The following KIAA1328 variants were observed in gnomAD, a reference collection of about 807,000 sequenced individuals.
The protein encoded by KIAA1328 is protein hinderin.
A neutral mutation model predicts 68.1 loss-of-function variants in KIAA1328; 52 were observed. The observed-to-expected ratio is 0.76, with a 90% CI of 0.61 to 0.96. KIAA1328 has a LOEUF of 0.96. Among genes scored for constraint, KIAA1328 ranks in the 40% least tolerant of loss-of-function variants. The pLI, the probability that KIAA1328 is intolerant of heterozygous loss-of-function variation, is 0.00. For synonymous variants in KIAA1328, 232 were observed against 239.4 expected (o/e 0.97, Z 0.28); for missense variants, 641 against 677.6 (o/e 0.95, Z 0.60).
intron 7 of KIAA1328, among the ~76,000 whole-genome samples, chr18:37,150,573 A>C (rs546775670): frequency 6.6e-6 from 1 of 151,176 alleles, no homozygotes; most frequent in Admixed American, 6.6e-5. Flanking sequence ...ACACAAATGC[A>C]GAAAAAAAAA....
At chr18:36,842,681 T>A (rs559966653) in intron 3 of KIAA1328, among the ~76,000 whole-genome samples, 160 of 152,214 alleles carry the variant, frequency 1.1e-3, no homozygotes, top group African/African-American at 3.4e-3. Context: ...TTTATTTTTT[T>A]TTTTTTGCCT....
chr18:37,007,581 C>T (rs1005913588), intron 6 of KIAA1328, among the ~76,000 whole-genome samples: 1 of 152,070 alleles, frequency 6.6e-6, no homozygotes, highest in African/African-American at 2.4e-5. Context: ...GTCATAACTT[C>T]TGGAAAATTC....
chr18:36,911,873 A>G (rs1373243423), intron 5 of KIAA1328, among the ~76,000 whole-genome samples: 4 of 151,952 alleles, frequency 2.6e-5, no homozygotes, highest in Non-Finnish European at 5.9e-5. Flanking sequence ...ATAAGCAGTC[A>G]GAAAGAGCTC....
At chr18:37,189,810 A>C (rs2059871468) in intron 9 of KIAA1328, among the ~76,000 whole-genome samples, 1 of 152,222 alleles carries the variant, frequency 6.6e-6, no homozygotes, top group Admixed American at 6.5e-5. Context: ...CAATCACTTA[A>C]GCACTTATAT....
chr18:36,954,752 T>C (rs1373763469), intron 5 of KIAA1328, among the ~76,000 whole-genome samples: 1 of 151,476 alleles, frequency 6.6e-6, no homozygotes, highest in East Asian at 1.9e-4. Flanking sequence ...TGGAGTGCAG[T>C]GTTGCGATCT....
At chr18:37,059,543 A>G (rs1057461064) in intron 6 of KIAA1328, among the ~76,000 whole-genome samples, 1 of 152,192 alleles carries the variant, frequency 6.6e-6, no homozygotes. Context: ...GAAACAACAG[A>G]TGCTGGAGAG....
At chr18:37,118,993 A>G (rs2058197134) in intron 7 of KIAA1328, among the ~76,000 whole-genome samples, 1 of 152,184 alleles carries the variant, frequency 6.6e-6, no homozygotes, top group African/African-American at 2.4e-5. Context: ...CTGCTTTGTC[A>G]TGATGGGGGA....
intron 6 of KIAA1328, among the ~76,000 whole-genome samples, chr18:37,058,116 G>A (rs2055995079): frequency 6.6e-6 from 1 of 152,170 alleles, no homozygotes; most frequent in African/African-American, 2.4e-5. Context: ...TTCTAGGGTT[G>A]TTCTGTAGGG....
chr18:36,830,424 G>T (rs923711760), intron 1 of KIAA1328, among the ~76,000 whole-genome samples: 1 of 152,176 alleles, frequency 6.6e-6, no homozygotes, highest in Non-Finnish European at 1.5e-5. Flanking sequence ...GTGCACTGTG[G>T]ACAACTGGGC....
intron 9 of KIAA1328, among the ~76,000 whole-genome samples, chr18:37,214,166 T>C (rs1237670393): frequency 3.3e-5 from 5 of 152,254 alleles, no homozygotes; most frequent in South Asian, 2.1e-4. Flanking sequence ...AGATCCCATT[T>C]GTCTATTTTG....
chr18:36,893,691 G>A (rs2048778237), intron 5 of KIAA1328, among the ~76,000 whole-genome samples: 1 of 152,026 alleles, frequency 6.6e-6, no homozygotes, highest in Admixed American at 6.6e-5. Context: ...TTGGTGTCTA[G>A]TTTTAAAGCT....
intron 6 of KIAA1328, among the ~76,000 whole-genome samples, chr18:37,001,536 C>A (rs1445195100): frequency 1.3e-5 from 2 of 152,022 alleles, no homozygotes; most frequent in African/African-American, 4.8e-5. Context: ...GCCAGTGTTA[C>A]CCTGATACCA....
At chr18:36,878,829 T>C (rs993668341) in intron 4 of KIAA1328, among the ~76,000 whole-genome samples, 3 of 152,244 alleles carry the variant, frequency 2.0e-5, no homozygotes, top group Non-Finnish European at 4.4e-5. Context: ...TTGTGTATGC[T>C]TCACGAAGTT....
intron 4 of KIAA1328, among the ~76,000 whole-genome samples, chr18:36,859,078 T>C (rs1339897296): frequency 1.3e-5 from 2 of 152,186 alleles, no homozygotes; most frequent in African/African-American, 4.8e-5. Flanking sequence ...TTTTATGATA[T>C]GTTGCATAAG....
intron 6 of KIAA1328, among the ~76,000 whole-genome samples, chr18:37,013,086 A>C (rs2054030552): frequency 6.6e-6 from 1 of 152,136 alleles, no homozygotes; most frequent in African/African-American, 2.4e-5. Context: ...TAACATCTTA[A>C]GGCCATTTTG....
chr18:37,105,660 T>C (rs2057750229), intron 7 of KIAA1328, among the ~76,000 whole-genome samples: 1 of 151,890 alleles, frequency 6.6e-6, no homozygotes, highest in African/African-American at 2.4e-5. Flanking sequence ...TCACAGTGGC[T>C]CATGCCTATT....
chr18:36,853,715 A>G (rs945948408), intron 4 of KIAA1328, among the ~76,000 whole-genome samples: 1 of 151,832 alleles, frequency 6.6e-6, no homozygotes, highest in South Asian at 2.1e-4. Flanking sequence ...CTGGAGTGCA[A>G]TGGCACAATC....
At chr18:37,060,813 A>T (rs979811507) in intron 6 of KIAA1328, among the ~76,000 whole-genome samples, 2 of 152,238 alleles carry the variant, frequency 1.3e-5, no homozygotes, top group Non-Finnish European at 2.9e-5. Flanking sequence ...TGATATATTC[A>T]TACAGTGAAA....
chr18:36,848,821 A>G (rs1008507120), intron 4 of KIAA1328, among the ~76,000 whole-genome samples: 6 of 150,814 alleles, frequency 4.0e-5, no homozygotes, highest in Non-Finnish European at 7.4e-5. Context: ...TGAACATGTG[A>G]TTTTTATTCT....
Sources: allele counts gnomAD v4.1 joint callset (sites outside exome capture counted in the v4.1 genomes callset), GRCh38; gene constraint gnomAD v4.1.1; transcripts MANE v1.5; gene names NCBI Gene and HGNC (gene_info 2026-07-23, HGNC 2026-07-21).